MSL3: variants seen among roughly 807,000 people sequenced by gnomAD.
MSL3 encodes MSL3-like 1.
In MSL3, 5 loss-of-function variants were observed where a neutral mutation model predicts 37.2. That is an observed-to-expected ratio of 0.13 (90% CI 0.07 to 0.28). The LOEUF is 0.28. MSL3 is among the 10% of genes least tolerant of loss of function. The pLI is 1.00. For synonymous variants in MSL3, 149 were observed against 147.6 expected (o/e 1.01, Z -0.07); for missense variants, 315 against 408.5 (o/e 0.77, Z 1.97).
intron 9 of MSL3, chrX:11,766,279 A>G (rs1478210474): frequency 2.6e-6 from 2 of 756,078 alleles, no homozygotes; most frequent in African/African-American, 2.3e-5. Context: ...AAATTAGACA[A>G]AAGTTTACTT....
rs1183184259 is a variant in MSL3, at chrX:11,762,987, G to A, written c.739G>A (p.Ala247Thr). 1 of 1,203,043 alleles carries A rather than the reference G, an allele frequency of 8.3e-7. No individual in the cohort carries two copies. Among genetic ancestry groups the A allele is most frequent in the African/African-American group, 1.7e-5 (1 of 57,149 alleles). Residue 247 changes from alanine (A) to threonine (T), a missense_variant, in exon 7 of 13, where the codon GCA becomes ACA. Physicochemically the swap from Ala to Thr is moderately conservative, Grantham distance 58. Coordinates refer to ENST00000312196, the MANE Select transcript of MSL3 (RefSeq NM_078629.4). ...HANMNVHYIP[A>T]EKNVDLCKEM... is the part of the protein sequence containing the mutation. The stretch of plus-strand genomic sequence containing the variant: ...CAACATGAACGTGCATTATATCCCA[G>A]CAGAAAAGAAGTGAGTACTGGCATG...
At chrX:11,758,187 T>A, upstream of MSL3, 2 of 114,560 alleles carry the variant, frequency 1.7e-5, no homozygotes, top group Non-Finnish European at 3.2e-5. Context: ...GCGCACCGCC[T>A]CCCCGCCCCC....
chrX:11,764,025 T>C, intron 8 of MSL3, 87 bp downstream of exon 8: 2 of 824,946 alleles, frequency 2.4e-6, no homozygotes, highest in Non-Finnish European at 3.4e-6. Context: ...TCTGATGGTG[T>C]GGGCCAACAT....
chrX:11,771,551 C>G (rs184362148), intron 10 of MSL3, among the ~76,000 whole-genome samples: 41 of 112,561 alleles, frequency 3.6e-4, no homozygotes, highest in African/African-American at 1.3e-3. Flanking sequence ...GCTTCATTCT[C>G]TCTCTAGTGC....
intron 10 of MSL3, 115 bp downstream of exon 10, chrX:11,768,797 T>A: frequency 2.0e-6 from 1 of 508,488 alleles, no homozygotes; most frequent in Non-Finnish European, 3.4e-6. Flanking sequence ...CTGTAAACAT[T>A]ATCAAAATTG....
At chrX:11,765,793 G>T (rs749880396) in intron 9 of MSL3, 64 bp downstream of exon 9, 2 of 1,184,612 alleles carry the variant, frequency 1.7e-6, no homozygotes, top group Non-Finnish European at 2.3e-6. Flanking sequence ...TTTAGTCAGT[G>T]CCAGGCATGG....
At chrX:11,770,243 A>G (rs1343832759) in intron 10 of MSL3, among the ~76,000 whole-genome samples, 1 of 112,326 alleles carries the variant, frequency 8.9e-6, no homozygotes, top group Non-Finnish European at 1.9e-5. Context: ...GGCTGACCCC[A>G]TAGAGAATCT....
At position 11,762,976 on chromosome X, in the gene MSL3, A is replaced by G. The variant is rs1468987586; in HGVS notation, c.728A>G (p.His243Arg). Residue 243 changes from histidine to arginine, a missense_variant, in exon 7 of 13, where the codon CAT (histidine) becomes CGT (arginine). Physicochemically the swap from His to Arg is conservative, Grantham distance 29. Transcript: ENST00000312196. Reference protein sequence around the residue: ...HVMPHANMNVHYIPAEKNVDL... With the variant: ...HVMPHANMNVRYIPAEKNVDL... ...ATGCCACATGCCAACATGAACGTGC[A>G]TTATATCCCAGCAGAAAAGAAGTGA... is the stretch of plus-strand genomic sequence containing the variant. 8.3e-7 allele frequency: 1 copy of G among 1,205,846 alleles called. No homozygotes were observed. Among genetic ancestry groups the G allele is most frequent in the Non-Finnish European group, 1.1e-6 (1 of 893,548 alleles).
intron 9 of MSL3, chrX:11,768,005 GTATT>G: frequency 1.4e-6 from 1 of 690,652 alleles, no homozygotes; most frequent in Non-Finnish European, 1.7e-6. Flanking sequence ...TTTTTTATTT[GTATT>G]TATTGATGTG....
intron 3 of MSL3, 47 bp from the exon 4 acceptor site, chrX:11,760,790 G>A (rs1456432636): frequency 2.4e-5 from 24 of 990,483 alleles, no homozygotes; most frequent in Middle Eastern, 2.6e-4. Context: ...CAAGACTCAC[G>A]AGTTCAATGT....
chrX:11,768,670 T>C lies in MSL3; in HGVS notation c.1269T>C (p.Asn423=), dbSNP rs1601771964. The part of the protein sequence containing the change: ...VFAGFEGRRT[N]EINEVLSWKL... ...CTGGCTTTGAAGGGAGAAGAACTAA[T>C]GAAATAAACGAGGTAAAGAATGTTT... The change falls in exon 10 of 13, where the codon AAT becomes AAC. Residue 423 remains asparagine, a synonymous_variant. Transcript: ENST00000312196. The C allele has an allele frequency of 1.7e-6, 2 of 1,174,281 alleles. No homozygotes were observed. The highest frequency in any genetic ancestry group is 1.8e-5 in the South Asian group (1 of 56,073).
chrX:11,764,492 G>A (rs1319067595), intron 8 of MSL3, among the ~76,000 whole-genome samples: 1 of 110,698 alleles, frequency 9.0e-6, no homozygotes, highest in African/African-American at 3.3e-5. Flanking sequence ...GTTCTTTTTT[G>A]AGGGGGCAGG....
chrX:11,765,835 G>T, intron 9 of MSL3, 106 bp downstream of exon 9: 1 of 1,132,526 alleles, frequency 8.8e-7, no homozygotes, highest in Non-Finnish European at 1.2e-6. Flanking sequence ...TGTACAGTGC[G>T]TGTGATTCCC....
chrX:11,765,905 G>T, intron 9 of MSL3, 176 bp downstream of exon 9: 2 of 1,100,981 alleles, frequency 1.8e-6, no homozygotes, highest in Non-Finnish European at 2.4e-6. Flanking sequence ...GAAACACCTG[G>T]CGCAGATTGC....
At position 11,759,852 on chromosome X, in the gene MSL3, C is replaced by T. The variant is rs1478587539; in HGVS notation, c.162C>T (p.Ile54=). 8.3e-7 allele frequency: 1 copy of T among 1,210,788 alleles called. No individual in the cohort carries two copies. Among genetic ancestry groups the T allele is most frequent in the Non-Finnish European group, 1.1e-6 (1 of 895,253 alleles). The change falls in exon 2 of 13, where the codon ATC becomes ATT. Residue 54 remains isoleucine (I), a synonymous_variant. Transcript: ENST00000312196. ...EKGRKIPEYL[I]HFNGWNRSWD... ...GCAGAAAGATCCCAGAATATCTGAT[C>T]CATTTTAATGGTTGGAACAGAAGGT...
intron 9 of MSL3, chrX:11,767,258 TGAATA>T: frequency 1.3e-6 from 1 of 754,392 alleles, no homozygotes. Context: ...AGAAGCCCTT[TGAATA>T]ATCAAGTGCT....
At chrX:11,763,075 T>C in intron 7 of MSL3, 78 bp downstream of exon 7, 1 of 798,669 alleles carries the variant, frequency 1.3e-6, no homozygotes, top group East Asian at 3.5e-5. Context: ...AGGTGACACT[T>C]GTCTCTATTC....
At chrX:11,772,369 C>G in intron 11 of MSL3, 114 bp downstream of exon 11, 1 of 596,697 alleles carries the variant, frequency 1.7e-6, no homozygotes. Context: ...TTTGGGGATC[C>G]AAGAAAAATT....
At position 11,765,720 on chromosome X, in the gene MSL3, C is replaced by T; in HGVS notation, c.1162C>T (p.Leu388=). The T allele has an allele frequency of 8.3e-7, 1 of 1,211,770 alleles. No homozygotes were observed. Among genetic ancestry groups the T allele is most frequent in the South Asian group, 1.8e-5 (1 of 56,933 alleles). Residue 388 remains leucine, a synonymous_variant, in exon 9 of 13, where the codon CTG becomes TTG. Coordinates refer to ENST00000312196, the MANE Select transcript of MSL3 (RefSeq NM_078629.4). ...SASMPKLFLH[L]EKKTPVHSRS... is the part of the protein sequence containing the mutation. ...CAGCATGCCCAAGCTCTTCCTGCAC[C>T]TGGAAAAGAGTAGGTTCATTCTCGG...
Sources: gnomAD v4.1 joint callset for allele counts (sites outside exome capture counted in the v4.1 genomes callset) on GRCh38, gnomAD v4.1.1 for gene constraint, MANE v1.5 for transcripts, NCBI Gene and HGNC (gene_info 2026-07-23, HGNC 2026-07-21) for gene names.